IKZF2: variants seen among roughly 807,000 people sequenced by gnomAD.
IKZF2 encodes the protein zinc finger protein Helios.
In IKZF2, 15 loss-of-function variants were observed where a neutral mutation model predicts 49.2. That is an observed-to-expected ratio of 0.30 (90% CI 0.20 to 0.47). The LOEUF is 0.47. Ranked by LOEUF, IKZF2 falls within the 20% of genes least tolerant of loss-of-function variation. IKZF2 has a pLI of 1.00. For missense variants in IKZF2, 567 were observed against 664.6 expected (o/e 0.85, Z 1.61); for synonymous variants, 227 against 221.4 (o/e 1.03, Z -0.23).
At chr2:213,128,754 A>G (rs1029868993) in intron 4 of IKZF2, among the ~76,000 whole-genome samples, 4 of 149,938 alleles carry the variant, frequency 2.7e-5, no homozygotes, top group African/African-American at 9.8e-5. Context: ...CAGCCTCCAG[A>G]GTAGCTGGGA....
At chr2:213,017,656 G>A (rs1376770951) in intron 7 of IKZF2, among the ~76,000 whole-genome samples, 1 of 152,150 alleles carries the variant, frequency 6.6e-6, no homozygotes, top group Non-Finnish European at 1.5e-5. Context: ...GTTCACATAT[G>A]TTGTTCTTTC....
intron 4 of IKZF2, among the ~76,000 whole-genome samples, chr2:213,121,453 A>G (rs755586115): frequency 6.6e-6 from 1 of 152,212 alleles, no homozygotes; most frequent in East Asian, 1.9e-4. Flanking sequence ...ACCATTAGCT[A>G]TATTTCTTAC....
intron 7 of IKZF2, among the ~76,000 whole-genome samples, chr2:213,017,606 T>C (rs1440226635): frequency 6.6e-6 from 1 of 152,176 alleles, no homozygotes; most frequent in African/African-American, 2.4e-5. Context: ...CAAACACACA[T>C]GGAGGTACCC....
chr2:213,110,369 CTA>C (rs941822400), intron 4 of IKZF2, among the ~76,000 whole-genome samples: 129 of 151,836 alleles, frequency 8.5e-4, no homozygotes, highest in African/African-American at 2.7e-3. Context: ...CTTGTTTATC[CTA>C]TGAGTTTTTA....
intron 6 of IKZF2, among the ~76,000 whole-genome samples, chr2:213,024,806 C>A (rs1697635852): frequency 6.6e-6 from 1 of 152,026 alleles, no homozygotes; most frequent in Non-Finnish European, 1.5e-5. Flanking sequence ...ATTTTCTATC[C>A]ATTTCATACT....
chr2:213,065,674 AC>A, intron 4 of IKZF2, among the ~76,000 whole-genome samples: 1 of 152,230 alleles, frequency 6.6e-6, no homozygotes, highest in African/African-American at 2.4e-5. Flanking sequence ...TCCTCATTTT[AC>A]AAATGAGGAA....
chr2:213,129,866 A>G (rs1273242571), intron 4 of IKZF2, among the ~76,000 whole-genome samples: 1 of 152,232 alleles, frequency 6.6e-6, no homozygotes, highest in East Asian at 1.9e-4. Flanking sequence ...AGAGCCAAGG[A>G]TTTCTGATAG....
In IKZF2 at chr2:213,006,089, G is replaced by A. The variant is rs1211495898; in HGVS notation, c.*1271C>T. ...CCATTCCCTTTTCTTTGCAACAAGA[G>A]TAGTAAATACTACTGAAGAAATGCT... On this transcript the variant is annotated 3_prime_UTR_variant, in exon 9 of 9. Transcript: ENST00000434687. The A allele has an allele frequency of 2.0e-5, 3 of 152,146 alleles. No individual in the cohort carries two copies. The highest frequency in any genetic ancestry group is 6.6e-5 in the Admixed American group (1 of 15,238). 9.4% of individuals were successfully genotyped at this position (152,146 alleles called of 1,614,324 possible).
chr2:213,096,129 G>C (rs1277098119), intron 4 of IKZF2, among the ~76,000 whole-genome samples: 2 of 151,886 alleles, frequency 1.3e-5, no homozygotes, highest in African/African-American at 4.8e-5. Flanking sequence ...CTAAGGATAT[G>C]TTACTTGATC....
chr2:213,063,615 C>T (rs1395888794), intron 4 of IKZF2, among the ~76,000 whole-genome samples: 3 of 151,872 alleles, frequency 2.0e-5, no homozygotes, highest in Non-Finnish European at 4.4e-5. Context: ...TTATAAAATA[C>T]TGACATATTC....
At chr2:213,119,352 C>T (rs552610960) in intron 4 of IKZF2, among the ~76,000 whole-genome samples, 47 of 152,198 alleles carry the variant, frequency 3.1e-4, no homozygotes, top group South Asian at 6.2e-4. Context: ...CTCATCCTAC[C>T]ACAACCTCAT....
rs1008229395 is a variant in IKZF2 at position 213,149,731 on chromosome 2, A to G, written c.-16+413T>C. ...AGCTTCACTTCTTGTCTCCAAAACC[A>G]CTTCCCTTCTCCCTCCCCTCCCCTT... On this transcript the variant is annotated intron_variant, in intron 2 of 8. Coordinates refer to ENST00000434687, the MANE Select transcript of IKZF2 (RefSeq NM_001387220.1). 8.9e-5 allele frequency among the ~76,000 whole-genome samples: 13 copies of G among 145,948 alleles called. 1 individual carries two copies. The highest frequency in any genetic ancestry group is 3.0e-5 in the Non-Finnish European group (2 of 66,202).
At chr2:213,011,571 G>A (rs1330377243) in intron 8 of IKZF2, among the ~76,000 whole-genome samples, 3 of 151,996 alleles carry the variant, frequency 2.0e-5, no homozygotes, top group African/African-American at 7.2e-5. Flanking sequence ...ATCAGTTCCA[G>A]CGATTTTATC....
chr2:213,084,767 G>A (rs566257732), intron 4 of IKZF2, among the ~76,000 whole-genome samples: 175 of 152,216 alleles, frequency 1.1e-3, no homozygotes, highest in African/African-American at 3.4e-3. Context: ...ATTAAGCCTT[G>A]TTGAAGTTGT....
chr2:213,079,673 G>T (rs1703719726), intron 4 of IKZF2, among the ~76,000 whole-genome samples: 1 of 152,138 alleles, frequency 6.6e-6, no homozygotes, highest in Non-Finnish European at 1.5e-5. Context: ...AGTTGGGCAG[G>T]ATACATTTGC....
chr2:213,100,990 G>A (rs757602230), intron 4 of IKZF2, among the ~76,000 whole-genome samples: 14 of 151,760 alleles, frequency 9.2e-5, no homozygotes, highest in Non-Finnish European at 1.2e-4. Flanking sequence ...CTACCTACAC[G>A]GTTGAACCCT....
chr2:213,137,763 TG>T (rs2060728492), intron 4 of IKZF2, among the ~76,000 whole-genome samples: 5 of 151,990 alleles, frequency 3.3e-5, no homozygotes, highest in Admixed American at 3.3e-4. Context: ...TTTATGAAAA[TG>T]GCCATGAAAG....
chr2:213,040,991 G>A (rs973619557), intron 6 of IKZF2, among the ~76,000 whole-genome samples: 9 of 152,162 alleles, frequency 5.9e-5, no homozygotes, highest in South Asian at 2.1e-4. Flanking sequence ...GGTGGTGCAC[G>A]CCTGTAATTC....
At chr2:213,129,886 G>A (rs1207381389) in intron 4 of IKZF2, among the ~76,000 whole-genome samples, 2 of 152,166 alleles carry the variant, frequency 1.3e-5, no homozygotes, top group East Asian at 3.8e-4. Flanking sequence ...GACTGGATGT[G>A]GGATTTCCTT....
Sources: allele counts gnomAD v4.1 joint callset (sites outside exome capture counted in the v4.1 genomes callset), GRCh38; gene constraint gnomAD v4.1.1; transcripts MANE v1.5; gene names NCBI Gene and HGNC (gene_info 2026-07-23, HGNC 2026-07-21).